RAPGEF6: variants seen among roughly 807,000 people sequenced by gnomAD.
The protein encoded by RAPGEF6 is Rap guanine nucleotide exchange factor 6, also known as PDZ domain containing guanine nucleotide exchange factor (GEF) 2.
A neutral mutation model predicts 171.4 loss-of-function variants in RAPGEF6; 56 were observed. The observed-to-expected ratio is 0.33, with a 90% CI of 0.26 to 0.41. The LOEUF is 0.41. Ranked by LOEUF, RAPGEF6 falls within the 10% of genes least tolerant of loss-of-function variation. The pLI, the probability that RAPGEF6 is intolerant of heterozygous loss-of-function variation, is 1.00. For synonymous variants in RAPGEF6, 692 were observed against 650.1 expected, an observed-to-expected ratio of 1.06 and a Z score of -0.98; for missense variants, 1,674 against 1,921.4, an observed-to-expected ratio of 0.87 and a Z score of 2.41.
At chr5:131,617,170 G>A (rs1765315827) in intron 1 of RAPGEF6, among the ~76,000 whole-genome samples, 1 of 152,178 alleles carries the variant, frequency 6.6e-6, no homozygotes, top group African/African-American at 2.4e-5. Flanking sequence ...ACAGCTGGAT[G>A]CAGTGGCAGA....
Position 131,492,733 on chromosome 5 carries a change from T to A in RAPGEF6, c.1580A>T (p.Lys527Met). Residue 527 changes from lysine to methionine, a missense_variant, in exon 14 of 28, where the codon AAG (lysine) becomes ATG (methionine). By Grantham distance (95) the Lys-to-Met change is moderately conservative (BLOSUM62 -1). Around this residue, in one of 3 missense-constraint regions of RAPGEF6, gnomAD observed 1,116 missense variants for 1,321.5 expected, o/e 0.84. Coordinates refer to ENST00000509018, the MANE Select transcript of RAPGEF6 (RefSeq NM_016340.6). ...LLNIACAAKA[K>M]WRQVVLQKAS... The stretch of plus-strand genomic sequence containing the variant: ...CTTTTGCAGCACAACCTGTCTCCAC[T>A]TAGCCTTTGCAGCACAGGCAATATT... 11 of 1,614,112 alleles carry A rather than the reference T, an allele frequency of 6.8e-6. No individual in the cohort carries two copies. The highest frequency in any genetic ancestry group is 9.3e-6 in the Non-Finnish European group (11 of 1,179,946).
intron 27 of RAPGEF6, 149 bp from the exon 28 acceptor site, chr5:131,427,440 GA>G (rs1256926472): frequency 1.5e-6 from 1 of 653,240 alleles, no homozygotes; most frequent in African/African-American, 1.8e-5. Context: ...TAATACCTAT[GA>G]TTTCTGATCA....
In RAPGEF6 at chr5:131,635,120, G is replaced by T; in HGVS notation, c.-90C>A. 1.5e-6 allele frequency: 2 copies of T among 1,315,384 alleles called. No homozygotes were observed. The highest frequency in any genetic ancestry group is 1.0e-6 in the Non-Finnish European group (1 of 981,244). 81.5% of individuals were successfully genotyped at this position (1,315,384 alleles called of 1,614,324 possible). ...GTAGCGGGTGCGGTACCTTTCCCCCGCCCCAAGGAGGGAACTTCGCGCCGT... is the reference window on the plus strand; with the variant it reads ...GTAGCGGGTGCGGTACCTTTCCCCCTCCCCAAGGAGGGAACTTCGCGCCGT... On this transcript the variant is annotated 5_prime_UTR_variant, in exon 1 of 28. Coordinates refer to ENST00000509018, the MANE Select transcript of RAPGEF6 (RefSeq NM_016340.6).
intron 5 of RAPGEF6, among the ~76,000 whole-genome samples, chr5:131,549,805 T>C (rs1760798713): frequency 6.6e-6 from 1 of 152,172 alleles, no homozygotes; most frequent in Admixed American, 6.5e-5. Context: ...TTATACAGAT[T>C]ATTTTAGCAC....
intron 4 of RAPGEF6, among the ~76,000 whole-genome samples, chr5:131,584,484 T>G: frequency 6.6e-6 from 1 of 152,182 alleles, no homozygotes; most frequent in East Asian, 1.9e-4. Flanking sequence ...ACTGCTTTTG[T>G]AAAGCTAATG....
Position 131,472,726 on chromosome 5 carries a change from T to C in RAPGEF6, c.2100A>G (p.Gln700=), listed in dbSNP as rs1754834100. 1 of 1,611,898 alleles carries C rather than the reference T, an allele frequency of 6.2e-7. No individual in the cohort carries two copies. Among genetic ancestry groups the C allele is most frequent in the South Asian group, 1.1e-5 (1 of 91,022 alleles). ...TTCCCACAATGCTGTCATCTTGTGA[T>C]TGGCTTAGGCCTCCATCACTTCAAA... The part of the protein sequence containing the change: ...PKLFSDGGLS[Q]SQDDSIVGTR... The change falls in exon 17 of 28, where the codon CAA becomes CAG. Residue 700 remains glutamine (Q), a synonymous_variant. Transcript: ENST00000509018.
chr5:131,546,612 A>AT (rs1190453247), intron 6 of RAPGEF6, among the ~76,000 whole-genome samples: 3 of 152,118 alleles, frequency 2.0e-5, no homozygotes, highest in African/African-American at 4.8e-5. Flanking sequence ...TCAAAAAAAA[A>AT]AAATAAATAA....
At chr5:131,495,794 A>G in intron 12 of RAPGEF6, 134 bp from the exon 13 acceptor site, 1 of 1,320,070 alleles carries the variant, frequency 7.6e-7, no homozygotes, top group Non-Finnish European at 1.0e-6. Context: ...AAAAAGGCTC[A>G]TTCTAACAGA....
chr5:131,510,290 A>T (rs1580941217), intron 8 of RAPGEF6, 24 bp downstream of exon 8: 1 of 1,588,400 alleles, frequency 6.3e-7, no homozygotes, highest in Non-Finnish European at 8.6e-7. Flanking sequence ...ACAAATTCTT[A>T]TTGTGAACAC....
chr5:131,427,201 T>C lies in RAPGEF6; in HGVS notation c.*65A>G. The C allele has an allele frequency of 6.9e-7, 1 of 1,456,368 alleles. No individual in the cohort carries two copies. The highest frequency in any genetic ancestry group is 9.6e-7 in the Non-Finnish European group (1 of 1,036,524). The allele number at this position is 1,456,368 out of a possible 1,614,324, so 90.2% of individuals were successfully genotyped here. A position where few individuals can be genotyped will look rare whatever the true frequency, so the allele number is the denominator to read the frequency against. ...TGTTCGTTAGCAATGGCCTGCAGAA[T>C]CATGAGGTGGTTCTTGCCCATTCCT... On this transcript the variant is annotated 3_prime_UTR_variant, in exon 28 of 28. Transcript: ENST00000509018.
In RAPGEF6 at chr5:131,427,230, C is replaced by A. The variant is rs189983775; in HGVS notation, c.*36G>T. The A allele has an allele frequency of 3.8e-6, 6 of 1,593,962 alleles. No homozygotes were observed. The highest frequency in any genetic ancestry group is 2.2e-5 in the South Asian group (2 of 90,584). On this transcript the variant is annotated 3_prime_UTR_variant, in exon 28 of 28. Coordinates refer to ENST00000509018, the MANE Select transcript of RAPGEF6 (RefSeq NM_016340.6). ...GAGGTGGTTCTTGCCCATTCCTCCA[C>A]GACTTTCAGTGGTTTTCAAATAGGT...
intron 6 of RAPGEF6, chr5:131,532,309 G>T: frequency 4.2e-6 from 1 of 235,890 alleles, no homozygotes; most frequent in South Asian, 4.4e-5. Flanking sequence ...ACTGAAATCA[G>T]GAGCTTTCAG....
At chr5:131,431,587 T>G (rs1751712296) in intron 25 of RAPGEF6, among the ~76,000 whole-genome samples, 2 of 152,062 alleles carry the variant, frequency 1.3e-5, no homozygotes, top group South Asian at 4.1e-4. Context: ...TTCCTTAGAA[T>G]TTTTCTTTTT....
intron 15 of RAPGEF6, among the ~76,000 whole-genome samples, chr5:131,481,677 G>T (rs1347935637): frequency 1.3e-5 from 2 of 152,094 alleles, no homozygotes; most frequent in East Asian, 3.9e-4. Context: ...CATCTCCTTG[G>T]GATAAAGCAA....
chr5:131,550,032 T>A (rs555366074), intron 5 of RAPGEF6, among the ~76,000 whole-genome samples: 82 of 152,276 alleles, frequency 5.4e-4, no homozygotes, highest in Admixed American at 1.0e-3. Flanking sequence ...CATATCAACA[T>A]TCTCAGCACC....
chr5:131,542,127 A>C (rs1191491556), intron 6 of RAPGEF6, among the ~76,000 whole-genome samples: 1 of 152,222 alleles, frequency 6.6e-6, no homozygotes, highest in Non-Finnish European at 1.5e-5. Context: ...AACTTGGTTT[A>C]ACTTTTCTTA....
chr5:131,502,238 A>C (rs1379397115), intron 11 of RAPGEF6, among the ~76,000 whole-genome samples: 1 of 152,238 alleles, frequency 6.6e-6, no homozygotes, highest in Non-Finnish European at 1.5e-5. Flanking sequence ...TAAATGCATG[A>C]GAAATTATTT....
intron 15 of RAPGEF6, among the ~76,000 whole-genome samples, chr5:131,481,420 G>A (rs1755472116): frequency 6.6e-6 from 1 of 151,600 alleles, no homozygotes. Context: ...GTAGAGATGG[G>A]GTTTCGACAT....
intron 3 of RAPGEF6, among the ~76,000 whole-genome samples, chr5:131,595,919 G>A (rs935623581): frequency 6.6e-6 from 1 of 152,170 alleles, no homozygotes; most frequent in Non-Finnish European, 1.5e-5. Context: ...TTGGGAGGCT[G>A]AGACAGGCAG....
Sources: allele counts gnomAD v4.1 joint callset (sites outside exome capture counted in the v4.1 genomes callset), GRCh38; gene constraint gnomAD v4.1.1; regional missense constraint gnomAD v4.1.1; transcripts MANE v1.5; gene names NCBI Gene and HGNC (gene_info 2026-07-23, HGNC 2026-07-21).